Variants in MRTFB observed in about 807,000 individuals in gnomAD.
MRTFB encodes the protein myocardin related transcription factor B, also known as myocardin-related transcription factor B.
In MRTFB, 29 loss-of-function variants were observed where a neutral mutation model predicts 104.2. The observed-to-expected ratio is 0.28, with a 90% CI of 0.21 to 0.38. The LOEUF (loss-of-function observed/expected upper bound fraction) is 0.38. MRTFB is among the 10% of genes least tolerant of loss of function. MRTFB has a pLI of 1.00. For missense variants in MRTFB, 1,270 were observed against 1,341.6 expected (o/e 0.95, Z 0.83); for synonymous variants, 535 against 519.5 (o/e 1.03, Z -0.41).
chr16:14,066,361 C>T (rs2141732879), upstream of MRTFB, among the ~76,000 whole-genome samples: 1 of 150,832 alleles, frequency 6.6e-6, no homozygotes, highest in Non-Finnish European at 1.5e-5. Flanking sequence ...GCAACCTCCG[C>T]CTCCTGGGTT....
At chr16:14,245,453 C>A in intron 10 of MRTFB, 75 bp from the exon 11 acceptor site, 2 of 1,333,824 alleles carry the variant, frequency 1.5e-6, no homozygotes. Context: ...ATAAGTTAGT[C>A]AAATTGTTAA....
At chr16:14,041,133 G>A in the MRTFB span, among the ~76,000 whole-genome samples, 1 of 151,724 alleles carries the variant, frequency 6.6e-6, no homozygotes, top group Non-Finnish European at 1.5e-5. Context: ...ACACTGCCAA[G>A]GAAGGAAGGA....
intron 2 of MRTFB, among the ~76,000 whole-genome samples, chr16:14,124,655 C>T (rs1596965202): frequency 6.6e-6 from 1 of 152,150 alleles, no homozygotes; most frequent in Non-Finnish European, 1.5e-5. Flanking sequence ...CTGCTGGATT[C>T]GGTTTGCCAG....
At chr16:14,111,780 G>A (rs1280219218) in intron 2 of MRTFB, among the ~76,000 whole-genome samples, 2 of 152,044 alleles carry the variant, frequency 1.3e-5, no homozygotes, top group African/African-American at 4.8e-5. Context: ...CCTTTTTCTC[G>A]GTCCTCTGGC....
chr16:14,253,523 G>C (rs1290011461), intron 15 of MRTFB, among the ~76,000 whole-genome samples: 1 of 152,206 alleles, frequency 6.6e-6, no homozygotes, highest in South Asian at 2.1e-4. Context: ...CAAGGGCTCT[G>C]TGCTTTTTCT....
chr16:14,133,780 C>A (rs2037564502), intron 2 of MRTFB, among the ~76,000 whole-genome samples: 2 of 152,030 alleles, frequency 1.3e-5, no homozygotes, highest in South Asian at 4.2e-4. Context: ...GTTTTTAACC[C>A]AATAATTGCC....
rs2037198942 is a variant in MRTFB, at chr16:14,127,861, T to TC, written c.-63-12681dup. ...GTGTTACTGGCCAGGTCCAAGTCTC[T>TC]CCTATATCTTTGTCCAGGGTGTAAT... On this transcript the variant is annotated intron_variant, in intron 2 of 16. Coordinates refer to ENST00000571589, the MANE Select transcript of MRTFB (RefSeq NM_001308142.2). Among the ~76,000 whole-genome samples, 3 of 141,838 alleles carry TC rather than the reference T, an allele frequency of 2.1e-5. No homozygotes were observed. The South Asian group carries it at 6.8e-4, about 32-fold the overall frequency. The allele number at this position is 141,838 out of a possible 152,430, so 93.1% of individuals were successfully genotyped here.
chr16:14,020,117 C>T, the MRTFB span, among the ~76,000 whole-genome samples: 1 of 151,974 alleles, frequency 6.6e-6, no homozygotes, highest in Non-Finnish European at 1.5e-5. Flanking sequence ...ACTGGATTGA[C>T]ACCCACTGAC....
chr16:14,252,428 G>A lies in MRTFB; in HGVS notation c.2629G>A (p.Ala877Thr), dbSNP rs150543121. The change falls in exon 15 of 17, where the codon GCC becomes ACC. Residue 877 changes from alanine (A) to threonine (T), a missense_variant. Coordinates refer to ENST00000571589, the MANE Select transcript of MRTFB (RefSeq NM_001308142.2). ...VQHSLFGSPV[A>T]KTKDPPRYEE... ...GCACTCTCTATTTGGGAGTCCAGTC[G>A]CCAAGACAAAAGATCCCCCCCGCTA... is the stretch of plus-strand genomic sequence containing the variant. 1.5e-4 allele frequency: 246 copies of A among 1,613,342 alleles called. No homozygotes were observed. Among genetic ancestry groups the A allele is most frequent in the Non-Finnish European group, 1.9e-4 (223 of 1,179,958 alleles).
chr16:14,036,866 C>T, the MRTFB span, among the ~76,000 whole-genome samples: 134 of 152,192 alleles, frequency 8.8e-4, 1 homozygote, highest in African/African-American at 2.7e-3. Flanking sequence ...ACCCCAAACA[C>T]GCTCCAGAGC....
In MRTFB at chr16:14,212,382, A is replaced by G; in HGVS notation, c.249A>G (p.Glu83=). 1.2e-6 allele frequency: 2 copies of G among 1,613,996 alleles called. No individual in the cohort carries two copies. The highest frequency in any genetic ancestry group is 1.3e-5 in the African/African-American group (1 of 75,048). The change falls in exon 5 of 17, where the codon GAA becomes GAG. Residue 83 remains glutamate (E), a synonymous_variant. Coordinates refer to ENST00000571589, the MANE Select transcript of MRTFB (RefSeq NM_001308142.2). ...PPLKSPAAFH[E]QIKSLERART... Reference sequence around the variant, plus strand: ...TGAAGAGCCCAGCGGCATTCCATGAACAGATAAAAAGCTTGGAACGAGCCA... The same window carrying G: ...TGAAGAGCCCAGCGGCATTCCATGAGCAGATAAAAAGCTTGGAACGAGCCA...
the MRTFB span, among the ~76,000 whole-genome samples, chr16:14,011,688 A>C: frequency 6.6e-6 from 1 of 152,108 alleles, no homozygotes; most frequent in African/African-American, 2.4e-5. Flanking sequence ...CCTGGCCAAC[A>C]TGGTGAAACC....
Position 14,252,509 on chromosome 16 carries a change from G to C in MRTFB, c.2703+7G>C. Reference sequence around the variant, plus strand: ...ACAGGCCCCTCTGCCAGAGGTAAGTGAGGGCACGGTCATGGTGCATAAGGC... The same window carrying C: ...ACAGGCCCCTCTGCCAGAGGTAAGTCAGGGCACGGTCATGGTGCATAAGGC... On this transcript the variant is annotated splice_region_variant and intron_variant, in intron 15 of 16. Transcript: ENST00000571589. 1.2e-6 allele frequency: 2 copies of C among 1,613,976 alleles called. No individual in the cohort carries two copies. Among genetic ancestry groups the C allele is most frequent in the Non-Finnish European group, 1.7e-6 (2 of 1,179,966 alleles).
the MRTFB span, among the ~76,000 whole-genome samples, chr16:13,996,056 G>A: frequency 6.6e-6 from 1 of 152,142 alleles, no homozygotes; most frequent in Non-Finnish European, 1.5e-5. Flanking sequence ...CAGATCACCT[G>A]AGGTCCAGAG....
chr16:14,202,630 T>C (rs772251554), intron 3 of MRTFB, among the ~76,000 whole-genome samples: 1 of 152,260 alleles, frequency 6.6e-6, no homozygotes, highest in Non-Finnish European at 1.5e-5. Context: ...ACCAAGTGTC[T>C]AATGTAATAG....
In MRTFB at chr16:14,240,720, C is replaced by T. The variant is rs189337164; in HGVS notation, c.1079+236C>T. On this transcript the variant is annotated intron_variant, in intron 10 of 16. Transcript: ENST00000571589. ...CTGAATTTTTACAAGTTAGAAATGC[C>T]TTTTCACAATTATTCATCCAGATTT... is the stretch of plus-strand genomic sequence containing the variant. 69 of 801,888 alleles carry T rather than the reference C, an allele frequency of 8.6e-5. No individual in the cohort carries two copies. The African/African-American group carries it at 9.3e-4, about 11-fold the overall frequency. 49.7% of individuals were successfully genotyped at this position (801,888 alleles called of 1,614,324 possible). A position where few individuals can be genotyped will look rare whatever the true frequency, so the allele number is the denominator to read the frequency against.
At chr16:14,145,010 A>G in intron 3 of MRTFB, among the ~76,000 whole-genome samples, 1 of 148,042 alleles carries the variant, frequency 6.8e-6, no homozygotes, top group South Asian at 2.1e-4. Context: ...ATATATATAT[A>G]TAACTTTTGT....
At position 14,246,576 on chromosome 16, in the gene MRTFB, G is replaced by A. The variant is rs2043024413; in HGVS notation, c.1316G>A (p.Ser439Asn). ...AAACCCTACCAGGAAGTGAACAGCA[G>A]CGGCCTTGCTGCTGGGGGCATCGTG... ...RLKPYQEVNS[S>N]GLAAGGIVAV... The change falls in exon 12 of 17, where the codon AGC (serine) becomes AAC (asparagine). Residue 439 changes from serine to asparagine, a missense_variant. Ser to Asn is a conservative substitution (Grantham distance 46). Transcript: ENST00000571589. 6.2e-7 allele frequency: 1 copy of A among 1,614,054 alleles called. No homozygotes were observed. Among genetic ancestry groups the A allele is most frequent in the Non-Finnish European group, 8.5e-7 (1 of 1,180,034 alleles).
At position 14,243,864 on chromosome 16, in the gene MRTFB, G is replaced by GTTTTTTTTTTTTTTTTT. The variant is rs56296807; in HGVS notation, c.1080-1651_1080-1650insTTTTTTTTTTTTTTTTT. On this transcript the variant is annotated intron_variant, in intron 10 of 16. Transcript: ENST00000571589. Reference sequence around the variant, plus strand: ...CAGAGATTAGTTTTGCCTGTTTTGGGTTTTTTTTTTTTTGAGACAGAGTCT... The same window carrying GTTTTTTTTTTTTTTTTT: ...CAGAGATTAGTTTTGCCTGTTTTGGGTTTTTTTTTTTTTTTTTTTTTTTTTTTTTTGAGACAGAGTCT... Among the ~76,000 whole-genome samples the GTTTTTTTTTTTTTTTTT allele has an allele frequency of 1.7e-3, 213 of 124,574 alleles. 10 individuals are homozygous for GTTTTTTTTTTTTTTTTT. The highest frequency in any genetic ancestry group is 8.3e-3 in the Middle Eastern group (2 of 240). The allele number at this position is 124,574 out of a possible 152,430, so 81.7% of individuals were successfully genotyped here.
Sources: allele counts gnomAD v4.1 joint callset (sites outside exome capture counted in the v4.1 genomes callset), GRCh38; gene constraint gnomAD v4.1.1; transcripts MANE v1.5; gene names NCBI Gene and HGNC (gene_info 2026-07-23, HGNC 2026-07-21).